Variants in STON2 observed in about 807,000 individuals in gnomAD.
The protein encoded by STON2 is stonin 2.
STON2 carries 29 observed loss-of-function variants against 65.7 expected under a neutral mutation model. The ratio of observed to expected loss-of-function variants is 0.44; its 90% CI spans 0.33 to 0.60. The LOEUF (loss-of-function observed/expected upper bound fraction) is 0.60. Among genes scored for constraint, STON2 ranks in the 20% least tolerant of loss-of-function variants. The probability of loss-of-function intolerance (pLI) is 0.03; values close to 1 mark genes in which losing one functional copy is unlikely to be tolerated. For synonymous variants in STON2, 404 were observed against 414.2 expected, an observed-to-expected ratio of 0.98 and a Z score of 0.30; for missense variants, 1,054 against 1,118.1, an observed-to-expected ratio of 0.94 and a Z score of 0.82.
intron 5 of STON2, among the ~76,000 whole-genome samples, chr14:81,284,964 T>C (rs1025405614): frequency 6.6e-6 from 1 of 152,200 alleles, no homozygotes; most frequent in African/African-American, 2.4e-5. Context: ...TACTGAATAT[T>C]GTAAGCCCAG....
intron 1 of STON2, 116 bp from the exon 2 acceptor site, chr14:81,398,696 A>G (rs901794800): frequency 8.7e-6 from 2 of 230,500 alleles, no homozygotes; most frequent in African/African-American, 4.5e-5. Flanking sequence ...GTGGTTTCCA[A>G]CTTGCCTTAC....
At chr14:81,286,894 T>C (rs542527657) in intron 5 of STON2, among the ~76,000 whole-genome samples, 8 of 152,350 alleles carry the variant, frequency 5.3e-5, no homozygotes, top group African/African-American at 1.4e-4. Flanking sequence ...GTCCTGCTTT[T>C]AATTTTTAGT....
At chr14:81,325,637 C>G (rs1411939170) in intron 4 of STON2, among the ~76,000 whole-genome samples, 1 of 152,148 alleles carries the variant, frequency 6.6e-6, no homozygotes, top group Non-Finnish European at 1.5e-5. Context: ...TGACTACCCT[C>G]TTAAAAACAA....
rs151272867 is a variant in STON2 at position 81,294,099 on chromosome 14, C to T, written c.743-15360G>A. On this transcript the variant is annotated intron_variant, in intron 5 of 7. Coordinates refer to ENST00000614646, the MANE Select transcript of STON2 (RefSeq NM_001394390.1). ...CAATTCAAGCTCCTTAGCAGCCAGA[C>T]AAGAGATAGATGAAAAGATCCTTGC... 3.4e-3 allele frequency among the ~76,000 whole-genome samples: 525 copies of T among 152,266 alleles called. 5 individuals carry two copies. The highest frequency in any genetic ancestry group is 0.012 in the African/African-American group (498 of 41,544).
At chr14:81,275,847 C>T (rs1894794448) in intron 6 of STON2, among the ~76,000 whole-genome samples, 1 of 152,280 alleles carries the variant, frequency 6.6e-6, no homozygotes, top group African/African-American at 2.4e-5. Flanking sequence ...AGACACTCCA[C>T]ACTCAGAGCG....
intron 5 of STON2, among the ~76,000 whole-genome samples, chr14:81,322,507 C>A (rs1896856477): frequency 6.6e-6 from 1 of 152,096 alleles, no homozygotes; most frequent in African/African-American, 2.4e-5. Context: ...GGGCTGCAAG[C>A]AATCTATGCT....
chr14:81,306,222 T>A (rs28447142), intron 5 of STON2, among the ~76,000 whole-genome samples: 20,318 of 36,682 alleles, frequency 0.55, 3,860 homozygotes, highest in Middle Eastern at 0.64. Flanking sequence ...TACATACTCT[T>A]TTTTTTTTTT....
chr14:81,277,875 C>T lies in STON2; in HGVS notation c.1607G>A (p.Cys536Tyr), dbSNP rs1894922995. The stretch of plus-strand genomic sequence containing the variant: ...AAGCCGGGGTTCTGAAATCTCATGA[C>T]AGATCTCCAGCTTGAACTCACGGAA... ...KPFREFKLEICHEISEPRLQN... is the reference protein window; with the variant it reads ...KPFREFKLEIYHEISEPRLQN... Residue 536 changes from cysteine (C) to tyrosine (Y), a missense_variant, in exon 6 of 8, where the codon TGT becomes TAT. Cys to Tyr is a radical substitution (Grantham distance 194). Transcript: ENST00000614646. 2 of 1,614,060 alleles carry T rather than the reference C, an allele frequency of 1.2e-6. No homozygotes were observed. The highest frequency in any genetic ancestry group is 2.7e-5 in the African/African-American group (2 of 74,926).
At chr14:81,360,098 A>T (rs1488951664) in intron 4 of STON2, among the ~76,000 whole-genome samples, 2 of 152,196 alleles carry the variant, frequency 1.3e-5, no homozygotes, top group Admixed American at 6.5e-5. Flanking sequence ...CTTAAAAGAA[A>T]TGTTTTTAAA....
chr14:81,380,223 C>A (rs1042951629), intron 3 of STON2, among the ~76,000 whole-genome samples: 1 of 152,138 alleles, frequency 6.6e-6, no homozygotes, highest in African/African-American at 2.4e-5. Flanking sequence ...ATACGGCAAA[C>A]AAGCATATGA....
At chr14:81,433,209 G>A (rs532592776) in intron 1 of STON2, among the ~76,000 whole-genome samples, 3 of 152,328 alleles carry the variant, frequency 2.0e-5, no homozygotes, top group East Asian at 3.9e-4. Flanking sequence ...CTGCTCAAGC[G>A]CCAACTAAAT....
At chr14:81,406,499 T>G (rs111295780) in intron 2 of STON2, among the ~76,000 whole-genome samples, 1 of 152,064 alleles carries the variant, frequency 6.6e-6, no homozygotes. Flanking sequence ...AATAGCAGAG[T>G]TGAGTAGCTG....
intron 2 of STON2, among the ~76,000 whole-genome samples, chr14:81,409,481 G>C (rs920240630): frequency 1.3e-5 from 2 of 151,286 alleles, no homozygotes; most frequent in Non-Finnish European, 2.9e-5. Context: ...ATATTTCTTA[G>C]AATCAATGAA....
chr14:81,357,312 C>T (rs1156277715), intron 4 of STON2, among the ~76,000 whole-genome samples: 1 of 152,142 alleles, frequency 6.6e-6, no homozygotes, highest in Non-Finnish European at 1.5e-5. Flanking sequence ...CTCACCATCA[C>T]TGGCCATCAG....
intron 5 of STON2, among the ~76,000 whole-genome samples, chr14:81,306,282 T>A (rs1896180331): frequency 8.0e-6 from 1 of 125,532 alleles, no homozygotes; most frequent in African/African-American, 3.1e-5. Flanking sequence ...CAGGCTGGAG[T>A]GCGGTGGTGT....
At chr14:81,419,062 C>T (rs1227788478) in intron 2 of STON2, among the ~76,000 whole-genome samples, 1 of 148,524 alleles carries the variant, frequency 6.7e-6, no homozygotes, top group Non-Finnish European at 1.5e-5. Flanking sequence ...AAAAAAAAAA[C>T]TCTCAACTTA....
At chr14:81,406,243 T>C (rs1900852819) in intron 2 of STON2, among the ~76,000 whole-genome samples, 1 of 152,154 alleles carries the variant, frequency 6.6e-6, no homozygotes, top group Non-Finnish European at 1.5e-5. Context: ...CTTAATAAAC[T>C]ACCCTTCATA....
chr14:81,408,759 A>G (rs975190283), intron 2 of STON2, among the ~76,000 whole-genome samples: 4 of 152,126 alleles, frequency 2.6e-5, no homozygotes, highest in Non-Finnish European at 5.9e-5. Flanking sequence ...GGCTTGAAAA[A>G]CTGGTTAGGC....
chr14:81,267,031 T>C lies in STON2; in HGVS notation c.*1383A>G, dbSNP rs1894382962. 7.1e-6 allele frequency: 7 copies of C among 985,440 alleles called. No individual in the cohort carries two copies. Among genetic ancestry groups the C allele is most frequent in the Non-Finnish European group, 7.2e-6 (6 of 829,896 alleles). 61.0% of individuals were successfully genotyped at this position (985,440 alleles called of 1,614,324 possible). A position where few individuals can be genotyped will look rare whatever the true frequency, so the allele number is the denominator to read the frequency against. The stretch of plus-strand genomic sequence containing the variant: ...TCCAATGATTGTTCATTGAATACAT[T>C]AATCTTGAATCCATCAGCCAAAAAC... On this transcript the variant is annotated 3_prime_UTR_variant, in exon 8 of 8. Transcript: ENST00000614646.
Sources: gnomAD v4.1 joint callset for allele counts (sites outside exome capture counted in the v4.1 genomes callset) on GRCh38, gnomAD v4.1.1 for gene constraint, MANE v1.5 for transcripts, NCBI Gene and HGNC (gene_info 2026-07-23, HGNC 2026-07-21) for gene names.